Variants in PTPRT observed in about 807,000 individuals in gnomAD.
PTPRT encodes protein tyrosine phosphatase receptor type T.
PTPRT carries 56 observed loss-of-function variants against 176.8 expected under a neutral mutation model. That is an observed-to-expected ratio of 0.32 (90% CI 0.26 to 0.40). The LOEUF (loss-of-function observed/expected upper bound fraction) is 0.40. Among genes scored for constraint, PTPRT ranks in the 10% least tolerant of loss-of-function variants. The pLI is 1.00. For missense variants in PTPRT, 1,540 were observed against 1,908.2 expected, an observed-to-expected ratio of 0.81 and a Z score of 3.60; for synonymous variants, 783 against 739.0, an observed-to-expected ratio of 1.06 and a Z score of -0.96.
At chr20:43,001,088 G>A (rs1984531286) in intron 1 of PTPRT, among the ~76,000 whole-genome samples, 1 of 152,080 alleles carries the variant, frequency 6.6e-6, no homozygotes, top group Non-Finnish European at 1.5e-5. Context: ...CATATAAAGG[G>A]TGAAAAAGGA....
intron 12 of PTPRT, among the ~76,000 whole-genome samples, chr20:42,292,410 G>A (rs1368063092): frequency 2.0e-5 from 3 of 151,360 alleles, no homozygotes; most frequent in Non-Finnish European, 4.4e-5. Flanking sequence ...TTGGCTCATT[G>A]CAACCTCTGC....
intron 7 of PTPRT, among the ~76,000 whole-genome samples, chr20:42,564,130 C>G (rs142767618): frequency 2.5e-4 from 38 of 152,326 alleles, no homozygotes; most frequent in Non-Finnish European, 4.9e-4. Flanking sequence ...AGGGTAACCC[C>G]TAACTGCAAA....
At chr20:42,242,858 T>C (rs2056380345) in intron 14 of PTPRT, among the ~76,000 whole-genome samples, 1 of 152,110 alleles carries the variant, frequency 6.6e-6, no homozygotes. Context: ...ATTGAAGGGT[T>C]TCAGATGACA....
At chr20:42,612,620 G>A (rs1382906259) in intron 7 of PTPRT, among the ~76,000 whole-genome samples, 3 of 152,054 alleles carry the variant, frequency 2.0e-5, no homozygotes, top group Non-Finnish European at 4.4e-5. Flanking sequence ...TCTCCTAGAG[G>A]GACTCAGTAG....
intron 14 of PTPRT, among the ~76,000 whole-genome samples, chr20:42,245,250 G>A (rs2056428332): frequency 6.6e-6 from 1 of 152,094 alleles, no homozygotes; most frequent in Non-Finnish European, 1.5e-5. Context: ...TGTCAGTGAG[G>A]GGCTCCAGGA....
chr20:42,453,592 T>C (rs6065482), intron 8 of PTPRT, among the ~76,000 whole-genome samples: 71,133 of 151,462 alleles, frequency 0.47, 17,390 homozygotes, highest in Middle Eastern at 0.64. Flanking sequence ...CTCCTTTTTC[T>C]TTCTCCATCG....
intron 1 of PTPRT, among the ~76,000 whole-genome samples, chr20:43,113,224 A>G (rs550618658): frequency 6.6e-6 from 1 of 152,242 alleles, no homozygotes; most frequent in Non-Finnish European, 1.5e-5. Context: ...CAACTCATCC[A>G]TGATGAACTT....
At chr20:43,158,563 C>T (rs974255972) in intron 1 of PTPRT, among the ~76,000 whole-genome samples, 1 of 152,188 alleles carries the variant, frequency 6.6e-6, no homozygotes, top group African/African-American at 2.4e-5. Flanking sequence ...TCATCTCCCC[C>T]ATTCTGTTCG....
chr20:42,569,232 G>A (rs1439368892), intron 7 of PTPRT, among the ~76,000 whole-genome samples: 1 of 150,390 alleles, frequency 6.6e-6, no homozygotes, highest in Non-Finnish European at 1.5e-5. Flanking sequence ...GATAAAATAG[G>A]CTCAGAAATG....
At position 42,522,041 on chromosome 20, in the gene PTPRT, A is replaced by T. The variant is rs62205781; in HGVS notation, c.1154-49479T>A. ...TCAGAAAAAGAAATAGTACAACAAG[A>T]ACTTTTTCTTAAATTTTACTTTTTG... On this transcript the variant is annotated intron_variant, in intron 7 of 30. Transcript: ENST00000373187. 1.1e-3 allele frequency among the ~76,000 whole-genome samples: 165 copies of T among 151,920 alleles called. 1 individual carries two copies. Among genetic ancestry groups the T allele is most frequent in the Non-Finnish European group, 2.0e-3 (134 of 67,960 alleles).
At chr20:42,772,395 G>A (rs1274430298) in intron 4 of PTPRT, among the ~76,000 whole-genome samples, 1 of 152,196 alleles carries the variant, frequency 6.6e-6, no homozygotes, top group Non-Finnish European at 1.5e-5. Flanking sequence ...GCATGAGGGG[G>A]AGCGTTGATT....
At chr20:43,098,623 C>T (rs1436408326) in intron 1 of PTPRT, among the ~76,000 whole-genome samples, 3 of 151,408 alleles carry the variant, frequency 2.0e-5, no homozygotes, top group Non-Finnish European at 4.4e-5. Context: ...TGTCCCTGAC[C>T]TGATGGAATG....
At chr20:42,977,636 T>C (rs747313363) in intron 1 of PTPRT, among the ~76,000 whole-genome samples, 1 of 152,130 alleles carries the variant, frequency 6.6e-6, no homozygotes, top group Non-Finnish European at 1.5e-5. Flanking sequence ...TACTAGATTG[T>C]ATATAAAGGC....
intron 1 of PTPRT, among the ~76,000 whole-genome samples, chr20:43,052,768 C>T (rs1202222664): frequency 6.6e-6 from 1 of 152,110 alleles, no homozygotes; most frequent in Admixed American, 6.5e-5. Flanking sequence ...AAAAAGAAAC[C>T]ATATCCTTTA....
chr20:42,648,679 T>A (rs2074961413), intron 7 of PTPRT, among the ~76,000 whole-genome samples: 1 of 152,012 alleles, frequency 6.6e-6, no homozygotes, highest in Non-Finnish European at 1.5e-5. Context: ...GCTATGTAAA[T>A]CATGCTTCTT....
At chr20:42,356,765 A>G (rs2058363781) in intron 9 of PTPRT, among the ~76,000 whole-genome samples, 1 of 152,166 alleles carries the variant, frequency 6.6e-6, no homozygotes, top group African/African-American at 2.4e-5. Context: ...TCTCAGGATG[A>G]AGAATGTGTC....
At chr20:42,904,567 T>A (rs1486434257) in intron 1 of PTPRT, among the ~76,000 whole-genome samples, 2 of 151,976 alleles carry the variant, frequency 1.3e-5, no homozygotes, top group African/African-American at 4.8e-5. Context: ...GAAAACAAGG[T>A]CTTGATACGG....
At chr20:42,825,053 AC>A (rs565868885) in intron 2 of PTPRT, among the ~76,000 whole-genome samples, 1 of 152,128 alleles carries the variant, frequency 6.6e-6, no homozygotes, top group Non-Finnish European at 1.5e-5. Context: ...AGATTTTGAA[AC>A]AGTGATAATT....
At chr20:42,390,015 G>A (rs773271344) in intron 9 of PTPRT, among the ~76,000 whole-genome samples, 3 of 152,038 alleles carry the variant, frequency 2.0e-5, no homozygotes, top group Non-Finnish European at 2.9e-5. Context: ...GTCAGTCTGT[G>A]GTATTCGGTT....
Sources: gnomAD v4.1 joint callset for allele counts (sites outside exome capture counted in the v4.1 genomes callset) on GRCh38, gnomAD v4.1.1 for gene constraint, MANE v1.5 for transcripts, NCBI Gene and HGNC (gene_info 2026-07-23, HGNC 2026-07-21) for gene names.